The following MATN2 variants were observed in gnomAD, a reference collection of about 807,000 sequenced individuals.
The protein encoded by MATN2 is matrilin 2.
Under a neutral mutation model 103.2 loss-of-function variants are expected in MATN2, and 69 were observed. That is an observed-to-expected ratio of 0.67 (90% confidence interval 0.55 to 0.82). The LOEUF (loss-of-function observed/expected upper bound fraction) is 0.82. Ranked by LOEUF, MATN2 falls within the 40% of genes least tolerant of loss-of-function variation. The pLI is 0.00. For synonymous variants in MATN2, 429 were observed against 450.2 expected (o/e 0.95, Z 0.60); for missense variants, 1,023 against 1,211.5 (o/e 0.84, Z 2.31).
intron 6 of MATN2, among the ~76,000 whole-genome samples, chr8:97,980,758 G>C (rs1231467192): frequency 6.6e-6 from 1 of 151,380 alleles, no homozygotes; most frequent in African/African-American, 2.4e-5. Context: ...TGATAGCAGT[G>C]GTGTTTCACC....
intron 1 of MATN2, among the ~76,000 whole-genome samples, chr8:97,874,962 C>T (rs996363031): frequency 2.9e-4 from 44 of 151,910 alleles, no homozygotes; most frequent in African/African-American, 7.7e-4. Context: ...GTGATCTGTC[C>T]GCCTCGACCT....
chr8:97,994,704 G>A, intron 7 of MATN2, 102 bp downstream of exon 7: 2 of 1,283,146 alleles, frequency 1.6e-6, no homozygotes, highest in Non-Finnish European at 2.1e-6. Context: ...CTTGTATTCA[G>A]CATTGTGTCT....
At chr8:97,906,721 T>C (rs1025863392) in intron 2 of MATN2, among the ~76,000 whole-genome samples, 2 of 152,210 alleles carry the variant, frequency 1.3e-5, no homozygotes, top group African/African-American at 4.8e-5. Context: ...CCATATTCAG[T>C]TGGAGTGTTT....
rs772357742 is a variant in MATN2 at position 98,018,150 on chromosome 8, C to A, written c.1819+34C>A. 7.4e-6 allele frequency: 12 copies of A among 1,611,852 alleles called. No homozygotes were observed. In the South Asian group the frequency reaches 1.2e-4, roughly 16 times the overall value. The stretch of plus-strand genomic sequence containing the variant: ...CCTCGAGGTGGAGAAGAACTTTTCC[C>A]TCTGTGGACTCAGACAGTTAGAGAA... On this transcript the variant is annotated intron_variant, in intron 12 of 18. Coordinates refer to ENST00000254898, the MANE Select transcript of MATN2 (RefSeq NM_002380.5).
In MATN2 at chr8:98,033,082, C is replaced by T. The variant is rs1814099467; in HGVS notation, c.2622C>T (p.Ser874=). Residue 874 remains serine, a synonymous_variant, in exon 17 of 19, where the codon TCC becomes TCT. Transcript: ENST00000254898. ...PVTINIQDLL[S]CSNFAVQHRY... Reference sequence around the variant, plus strand: ...CCATAAATATCCAAGACCTACTTTCCTGTTCTAATTTTGCAGTGCAACACA... The same window carrying T: ...CCATAAATATCCAAGACCTACTTTCTTGTTCTAATTTTGCAGTGCAACACA... 1 of 1,611,940 alleles carries T rather than the reference C, an allele frequency of 6.2e-7. No individual in the cohort carries two copies. The highest frequency in any genetic ancestry group is 1.3e-5 in the African/African-American group (1 of 74,910).
chr8:97,931,262 C>G lies in MATN2; in HGVS notation c.452C>G (p.Ala151Gly). The G allele has an allele frequency of 1.2e-6, 2 of 1,613,910 alleles. No homozygotes were observed. The highest frequency in any genetic ancestry group is 1.1e-5 in the South Asian group (1 of 91,056). ...GCCCTGAACATCGCATTCTCAGAAG[C>G]AGAGGGGGCCCGGCCCCTGAGGGAG... The part of the protein sequence containing the change: ...QYALNIAFSE[A>G]EGARPLRENV... The change falls in exon 3 of 19, where the codon GCA becomes GGA. Residue 151 changes from alanine to glycine, a missense_variant. Ala to Gly is a moderately conservative substitution (Grantham distance 60). Coordinates refer to ENST00000254898, the MANE Select transcript of MATN2 (RefSeq NM_002380.5). The surrounding 1 kb of genome is among the most constrained non-coding windows in gnomAD (Gnocchi z 4.1).
intron 4 of MATN2, chr8:97,952,068 C>G (rs911301324): frequency 2.0e-5 from 3 of 152,188 alleles, no homozygotes; most frequent in Non-Finnish European, 4.4e-5. Context: ...TTAGTGCTTT[C>G]AGACATGATG....
chr8:97,898,643 C>T (rs1045328506), intron 2 of MATN2, among the ~76,000 whole-genome samples: 2 of 151,898 alleles, frequency 1.3e-5, no homozygotes, highest in Non-Finnish European at 2.9e-5. Flanking sequence ...CACCATGTGC[C>T]AGGCACTGTG....
chr8:97,988,435 G>A lies in MATN2; in HGVS notation c.1082-6045G>A, dbSNP rs1266033964. Among the ~76,000 whole-genome samples the A allele has an allele frequency of 4.7e-5, 7 of 149,262 alleles. No homozygotes were observed. The Admixed American group carries it at 4.7e-4, about 10-fold the overall frequency. On this transcript the variant is annotated intron_variant, in intron 6 of 18. Transcript: ENST00000254898. Reference sequence around the variant, plus strand: ...GAGTCCAGGAGTTCTAGATCAGCCTGAGTAACATAGCAAGACCCCATCTCT... The same window carrying A: ...GAGTCCAGGAGTTCTAGATCAGCCTAAGTAACATAGCAAGACCCCATCTCT...
chr8:97,880,203 C>T (rs980839578), intron 1 of MATN2, among the ~76,000 whole-genome samples: 3 of 151,892 alleles, frequency 2.0e-5, no homozygotes, highest in African/African-American at 7.3e-5. Flanking sequence ...CCTGCCTCAG[C>T]CTCCCGAGTA....
chr8:98,000,325 G>A (rs1000660057), intron 7 of MATN2, among the ~76,000 whole-genome samples: 2 of 151,814 alleles, frequency 1.3e-5, no homozygotes, highest in Non-Finnish European at 2.9e-5. Context: ...CAGGCCAGGT[G>A]CGGTGGCTCA....
chr8:97,976,898 T>C (rs1811853742), intron 5 of MATN2, among the ~76,000 whole-genome samples: 1 of 152,016 alleles, frequency 6.6e-6, no homozygotes, highest in Non-Finnish European at 1.5e-5. Context: ...TGCTGTGGTT[T>C]GGATATGGTT....
intron 1 of MATN2, among the ~76,000 whole-genome samples, chr8:97,874,689 A>G (rs1359059061): frequency 6.6e-6 from 1 of 151,518 alleles, no homozygotes. Flanking sequence ...TGCTGGGATT[A>G]CAGGCATGAG....
chr8:97,901,455 G>A (rs769302233), intron 2 of MATN2, among the ~76,000 whole-genome samples: 5 of 152,196 alleles, frequency 3.3e-5, no homozygotes, highest in Non-Finnish European at 5.9e-5. Context: ...GTTTCGCCAT[G>A]TTGGCCAGGC....
chr8:97,946,214 T>C (rs1206504233), intron 4 of MATN2, among the ~76,000 whole-genome samples: 4 of 152,158 alleles, frequency 2.6e-5, no homozygotes, highest in Non-Finnish European at 4.4e-5. Flanking sequence ...GGGTGGATAT[T>C]AGTTGTCTAA....
chr8:97,987,841 A>G (rs1812246173), intron 6 of MATN2, among the ~76,000 whole-genome samples: 1 of 152,178 alleles, frequency 6.6e-6, no homozygotes, highest in Non-Finnish European at 1.5e-5. Flanking sequence ...AGCTAAAATA[A>G]AAGGAATAGA....
At chr8:97,886,744 G>C (rs1235239944) in intron 1 of MATN2, among the ~76,000 whole-genome samples, 1 of 151,804 alleles carries the variant, frequency 6.6e-6, no homozygotes, top group Non-Finnish European at 1.5e-5. Flanking sequence ...TTTAAGTTTT[G>C]AAACATGGTC....
chr8:97,945,737 A>T (rs1810735119), intron 4 of MATN2, among the ~76,000 whole-genome samples: 1 of 128,046 alleles, frequency 7.8e-6, no homozygotes, highest in African/African-American at 3.0e-5. Flanking sequence ...TATATATATA[A>T]TCTCCCCACC....
rs370228310 is a variant in MATN2, at chr8:97,898,770, C to T, written c.142+10528C>T. Among the ~76,000 whole-genome samples, 7 of 152,088 alleles carry T rather than the reference C, an allele frequency of 4.6e-5. 1 individual carries two copies. The East Asian group carries it at 7.7e-4, about 17-fold the overall frequency. ...TCAAGAAGCGAACTTGCTGTTTTCT[C>T]TACTTAAACTCTTTTATCACCCAGG... On this transcript the variant is annotated intron_variant, in intron 2 of 18. Transcript: ENST00000254898.
Sources: gnomAD v4.1 joint callset for allele counts (sites outside exome capture counted in the v4.1 genomes callset) on GRCh38, gnomAD v4.1.1 for gene constraint, Gnocchi (gnomAD v3.1) non-coding constraint, MANE v1.5 for transcripts, NCBI Gene and HGNC (gene_info 2026-07-23, HGNC 2026-07-21) for gene names.